The following CRAMP1 variants were observed in gnomAD, a reference collection of about 807,000 sequenced individuals.
CRAMP1 encodes protein cramped-like.
A neutral mutation model predicts 115.4 loss-of-function variants in CRAMP1; 50 were observed. The observed-to-expected ratio is 0.43, with a 90% CI of 0.35 to 0.55. The LOEUF is 0.55. Among genes scored for constraint, CRAMP1 ranks in the 20% least tolerant of loss-of-function variants. CRAMP1 has a pLI of 0.01. For missense variants in CRAMP1, 1,679 were observed against 1,721.7 expected (o/e 0.98, Z 0.44); for synonymous variants, 866 against 745.4 (o/e 1.16, Z -2.64).
At chr16:1,654,342 G>T (rs1386486356) in intron 8 of CRAMP1, among the ~76,000 whole-genome samples, 1 of 151,734 alleles carries the variant, frequency 6.6e-6, no homozygotes, top group African/African-American at 2.4e-5. Context: ...CTCCCGAGCA[G>T]CTGGGATTAC....
Position 1,612,534 on chromosome 16 carries a change from A to G in CRAMP1, c.-125A>G, listed in dbSNP as rs1156273871. 6.6e-6 allele frequency: 1 copy of G among 151,974 alleles called. No individual in the cohort carries two copies. Among genetic ancestry groups the G allele is most frequent in the Non-Finnish European group, 1.5e-5 (1 of 68,062 alleles). 9.4% of individuals were successfully genotyped at this position (151,974 alleles called of 1,614,324 possible). A position where few individuals can be genotyped will look rare whatever the true frequency, so the allele number is the denominator to read the frequency against. On this transcript the variant is annotated 5_prime_UTR_variant, in exon 1 of 21. Transcript: ENST00000397412. ...CCAGTCGCTTCCGAGGCGGACGACC[A>G]GCCCGGCGTTGCGGCCTCCCTGCAG...
At chr16:1,615,977 T>A (rs1442584303) in intron 2 of CRAMP1, among the ~76,000 whole-genome samples, 4 of 152,208 alleles carry the variant, frequency 2.6e-5, no homozygotes, top group African/African-American at 9.7e-5. Flanking sequence ...GCTTTGGAGA[T>A]CTGTGCCACA....
At chr16:1,665,818 G>T in intron 14 of CRAMP1, 1 of 501,874 alleles carries the variant, frequency 2.0e-6, no homozygotes, top group Non-Finnish European at 3.6e-6. Flanking sequence ...CATTTCCGCA[G>T]GATGACAGTG....
chr16:1,660,084 C>G (rs2036815057), intron 11 of CRAMP1, 21 bp downstream of exon 11: 1 of 1,515,066 alleles, frequency 6.6e-7, no homozygotes, highest in Admixed American at 2.2e-5. Context: ...GGCAGCCACA[C>G]TCCTTGTGCC....
intron 17 of CRAMP1, 29 bp from the exon 18 acceptor site, chr16:1,667,933 G>C (rs765542015): frequency 7.0e-7 from 1 of 1,428,340 alleles, no homozygotes; most frequent in Admixed American, 1.9e-5. Flanking sequence ...AGACCTGGTT[G>C]TGTCTGAAAA....
rs1596493511 is a variant in CRAMP1 at position 1,655,206 on chromosome 16, G to C, written c.1038-13G>C. 1 of 1,611,262 alleles carries C rather than the reference G, an allele frequency of 6.2e-7. No homozygotes were observed. Among genetic ancestry groups the C allele is most frequent in the Non-Finnish European group, 8.5e-7 (1 of 1,177,346 alleles). On this transcript the variant is annotated splice_polypyrimidine_tract_variant and intron_variant, in intron 8 of 20. Coordinates refer to ENST00000397412, the MANE Select transcript of CRAMP1 (RefSeq NM_020825.4). ...CTGCGAACCTCACTTCCTCCTGTCT[G>C]TCGTCTCCGTAGGATGATCGTGGAG...
At chr16:1,630,655 G>A (rs900523393) in intron 3 of CRAMP1, among the ~76,000 whole-genome samples, 2 of 152,154 alleles carry the variant, frequency 1.3e-5, no homozygotes, top group Non-Finnish European at 1.5e-5. Context: ...AGGACGCTGC[G>A]CCGCACTCGG....
intron 10 of CRAMP1, among the ~76,000 whole-genome samples, chr16:1,657,253 C>T (rs1312704024): frequency 2.0e-5 from 3 of 152,234 alleles, no homozygotes; most frequent in Non-Finnish European, 4.4e-5. Context: ...GATGAGTGTC[C>T]CCACTTACGT....
Position 1,656,164 on chromosome 16 carries a change from G to A in CRAMP1, c.1407G>A (p.Glu469=), listed in dbSNP as rs2036770696. 2.5e-6 allele frequency: 4 copies of A among 1,606,150 alleles called. No individual in the cohort carries two copies. The highest frequency in any genetic ancestry group is 1.7e-5 in the Admixed American group (1 of 59,668). ...GQVKCPRSGA[E]GKGVGRPPPA... is the part of the protein sequence containing the mutation. Reference sequence around the variant, plus strand: ...TGAAATGCCCGCGGAGCGGAGCTGAGGGCAAGGGTGTGGGGCGGCCCCCTC... The same window carrying A: ...TGAAATGCCCGCGGAGCGGAGCTGAAGGCAAGGGTGTGGGGCGGCCCCCTC... The change falls in exon 10 of 21, where the codon GAG becomes GAA. Residue 469 remains glutamate, a synonymous_variant. Coordinates refer to ENST00000397412, the MANE Select transcript of CRAMP1 (RefSeq NM_020825.4). The surrounding 1 kb of genome is among the most constrained non-coding windows in gnomAD (Gnocchi z 5.6).
chr16:1,649,044 G>C (rs1490915598), intron 6 of CRAMP1, among the ~76,000 whole-genome samples: 1 of 149,974 alleles, frequency 6.7e-6, no homozygotes, highest in African/African-American at 2.5e-5. Flanking sequence ...GGGCAATAGA[G>C]CAAGACTCCA....
At chr16:1,646,907 T>TC in intron 6 of CRAMP1, 1 of 604,494 alleles carries the variant, frequency 1.7e-6, no homozygotes, top group Non-Finnish European at 3.0e-6. Flanking sequence ...GGACTGTCTC[T>TC]CCTCCATTGA....
chr16:1,621,812 G>C (rs1894648), intron 2 of CRAMP1, among the ~76,000 whole-genome samples: 3,356 of 152,264 alleles, frequency 0.022, 235 homozygotes, highest in Admixed American at 0.13. Context: ...ACCACACTCA[G>C]CCTCTGTGGG....
At chr16:1,667,265 T>A in intron 16 of CRAMP1, 70 bp from the exon 17 acceptor site, 1 of 1,277,928 alleles carries the variant, frequency 7.8e-7, no homozygotes, top group Non-Finnish European at 1.1e-6. Flanking sequence ...TCTGGAACTC[T>A]GTCGCGGGTG....
At chr16:1,618,190 C>T (rs1229963854) in intron 2 of CRAMP1, among the ~76,000 whole-genome samples, 1 of 152,166 alleles carries the variant, frequency 6.6e-6, no homozygotes, top group Non-Finnish European at 1.5e-5. Context: ...ACACCTGCCT[C>T]AGAATCGCTT....
At chr16:1,663,925 A>G (rs2036853037) in intron 13 of CRAMP1, among the ~76,000 whole-genome samples, 1 of 152,240 alleles carries the variant, frequency 6.6e-6, no homozygotes, top group Non-Finnish European at 1.5e-5. Flanking sequence ...ACGGGCAGGT[A>G]TATGGCCCCA....
At chr16:1,616,120 C>T (rs2036416943) in intron 2 of CRAMP1, among the ~76,000 whole-genome samples, 1 of 152,210 alleles carries the variant, frequency 6.6e-6, no homozygotes, top group Non-Finnish European at 1.5e-5. Context: ...TAGAAGGTAA[C>T]TTAGCATGTT....
At chr16:1,673,434 C>T (rs972203055) in intron 20 of CRAMP1, among the ~76,000 whole-genome samples, 4 of 152,270 alleles carry the variant, frequency 2.6e-5, no homozygotes, top group South Asian at 2.1e-4. Flanking sequence ...GTGTCCCCCA[C>T]GTATCCTCGG....
chr16:1,619,959 C>T (rs772111448), intron 2 of CRAMP1, among the ~76,000 whole-genome samples: 17 of 152,112 alleles, frequency 1.1e-4, no homozygotes, highest in Non-Finnish European at 2.1e-4. Context: ...GGAGGGGTCC[C>T]GGTTTGCTCA....
chr16:1,643,560 A>T (rs908389147), intron 6 of CRAMP1, among the ~76,000 whole-genome samples: 1 of 151,844 alleles, frequency 6.6e-6, no homozygotes, highest in African/African-American at 2.4e-5. Flanking sequence ...AAAAAAAAAA[A>T]AACCCTCAGG....
Sources: gnomAD v4.1 joint callset for allele counts (sites outside exome capture counted in the v4.1 genomes callset) on GRCh38, gnomAD v4.1.1 for gene constraint, Gnocchi (gnomAD v3.1) non-coding constraint, MANE v1.5 for transcripts, NCBI Gene and HGNC (gene_info 2026-07-23, HGNC 2026-07-21) for gene names.